SLC5A4: variants seen among roughly 807,000 people sequenced by gnomAD.
SLC5A4 encodes the protein probable glucose sensor protein SLC5A4.
In SLC5A4, 55 loss-of-function variants were observed where a neutral mutation model predicts 70.3. That is an observed-to-expected ratio of 0.78 (90% CI 0.63 to 0.98). The LOEUF is 0.98. Among genes scored for constraint, SLC5A4 ranks in the 50% least tolerant of loss-of-function variants. SLC5A4 has a pLI of 0.00. For missense variants in SLC5A4, 735 were observed against 839.2 expected, an observed-to-expected ratio of 0.88 and a Z score of 1.53; for synonymous variants, 268 against 305.7, an observed-to-expected ratio of 0.88 and a Z score of 1.29.
At chr22:32,302,452 T>C in the SLC5A4 span, among the ~76,000 whole-genome samples, 43 of 152,346 alleles carry the variant, frequency 2.8e-4, no homozygotes, top group East Asian at 1.2e-3. Flanking sequence ...CATTTAACAT[T>C]TAAATTTATA....
intron 5 of SLC5A4, among the ~76,000 whole-genome samples, chr22:32,239,426 G>T (rs1214491833): frequency 6.9e-6 from 1 of 145,892 alleles, no homozygotes; most frequent in Non-Finnish European, 1.5e-5. Context: ...CTGTGATGGA[G>T]TATTTAGAAA....
the SLC5A4 span, among the ~76,000 whole-genome samples, chr22:32,342,826 T>C: frequency 6.6e-6 from 1 of 152,150 alleles, no homozygotes; most frequent in Non-Finnish European, 1.5e-5. Context: ...AGTCAAAAAA[T>C]ATTCACTTCA....
At chr22:32,329,571 C>T in the SLC5A4 span, among the ~76,000 whole-genome samples, 7 of 64,144 alleles carry the variant, frequency 1.1e-4, no homozygotes, top group Admixed American at 2.1e-4. Context: ...GTGTGTGTTG[C>T]GGGCTCTGGT....
At chr22:32,260,008 C>T (rs1307989020), upstream of SLC5A4, among the ~76,000 whole-genome samples, 1 of 152,168 alleles carries the variant, frequency 6.6e-6, no homozygotes, top group Non-Finnish European at 1.5e-5. Flanking sequence ...GGCAGGGGAG[C>T]AGCGAAGGCC....
the SLC5A4 span, among the ~76,000 whole-genome samples, chr22:32,306,574 C>T: frequency 6.6e-6 from 1 of 152,018 alleles, no homozygotes. Context: ...TTTTGGTTTT[C>T]CTGGTTATCA....
the SLC5A4 span, among the ~76,000 whole-genome samples, chr22:32,323,150 G>A: frequency 1.3e-5 from 2 of 152,044 alleles, no homozygotes; most frequent in Admixed American, 1.3e-4. Flanking sequence ...AGATTGGCTC[G>A]AGACAACAGC....
the SLC5A4 span, among the ~76,000 whole-genome samples, chr22:32,309,001 T>C: frequency 1.3e-5 from 2 of 152,294 alleles, no homozygotes; most frequent in African/African-American, 2.4e-5. Context: ...TGCAGTGGTA[T>C]GATTTCAGCT....
chr22:32,232,946 A>G lies in SLC5A4; in HGVS notation c.974T>C (p.Met325Thr). The G allele has an allele frequency of 6.2e-7, 1 of 1,614,222 alleles. No individual in the cohort carries two copies. The highest frequency in any genetic ancestry group is 8.5e-7 in the Non-Finnish European group (1 of 1,180,030). ...CATCCCCGGCATCACCATGAGGAAC[A>G]TGGGCAGCAGCTTCAGGTAAGCACA... Reference protein sequence around the residue: ...IMCAYLKLLPMFLMVMPGMIS... With the variant: ...IMCAYLKLLPTFLMVMPGMIS... The change falls in exon 9 of 15, where the codon ATG becomes ACG. Residue 325 changes from methionine (M) to threonine (T), a missense_variant. Physicochemically the swap from Met to Thr is moderately conservative, Grantham distance 81. Coordinates refer to ENST00000266086, the MANE Select transcript of SLC5A4 (RefSeq NM_014227.3).
the SLC5A4 span, among the ~76,000 whole-genome samples, chr22:32,330,797 G>A: frequency 7.9e-6 from 1 of 126,262 alleles, no homozygotes; most frequent in Non-Finnish European, 1.7e-5. Context: ...GTGTGTTGGG[G>A]GCTCTGGTGT....
At chr22:32,252,331 C>T (rs959660780) in intron 2 of SLC5A4, among the ~76,000 whole-genome samples, 1 of 152,000 alleles carries the variant, frequency 6.6e-6, no homozygotes, top group Non-Finnish European at 1.5e-5. Context: ...CTAATCCAGC[C>T]CACAGTCAGT....
chr22:32,270,584 A>G, the SLC5A4 span: 2 of 731,382 alleles, frequency 2.7e-6, no homozygotes, highest in Non-Finnish European at 5.1e-6. Flanking sequence ...GAGATCATGG[A>G]GCTGGACACC....
At chr22:32,219,270 C>G (rs966964787) in intron 14 of SLC5A4, among the ~76,000 whole-genome samples, 1 of 152,110 alleles carries the variant, frequency 6.6e-6, no homozygotes, top group African/African-American at 2.4e-5. Context: ...GAATTAGTAG[C>G]GTATTGCAAA....
At chr22:32,304,911 A>G in the SLC5A4 span, among the ~76,000 whole-genome samples, 1 of 151,986 alleles carries the variant, frequency 6.6e-6, no homozygotes, top group South Asian at 2.1e-4. Context: ...TGGAGTGTAA[A>G]GTCTGTGTTC....
At chr22:32,242,196 G>T (rs117949626) in intron 5 of SLC5A4, among the ~76,000 whole-genome samples, 2 of 152,078 alleles carry the variant, frequency 1.3e-5, no homozygotes, top group South Asian at 4.1e-4. Flanking sequence ...CACTTAGCAC[G>T]CAGATTTTTG....
At chr22:32,271,535 G>A in the SLC5A4 span, 1 of 708,200 alleles carries the variant, frequency 1.4e-6, no homozygotes, top group South Asian at 1.5e-5. Context: ...CATCCAAGAA[G>A]AAAGCAGGTG....
chr22:32,324,262 T>C, the SLC5A4 span, among the ~76,000 whole-genome samples: 4 of 124,804 alleles, frequency 3.2e-5, no homozygotes, highest in East Asian at 2.6e-4. Flanking sequence ...TATACACACA[T>C]ATATGTATAT....
chr22:32,353,638 C>T, the SLC5A4 span, among the ~76,000 whole-genome samples: 13 of 151,824 alleles, frequency 8.6e-5, no homozygotes, highest in African/African-American at 2.9e-4. Flanking sequence ...CCCCAGATAG[C>T]GCCTCCAACA....
Position 32,229,238 on chromosome 22 carries a change from C to T in SLC5A4, c.1236G>A (p.Lys412=), listed in dbSNP as rs1379580852. 1.9e-6 allele frequency: 3 copies of T among 1,614,136 alleles called. No individual in the cohort carries two copies. In the South Asian group the frequency reaches 3.3e-5, roughly 18 times the overall value. The change falls in exon 11 of 15, where the codon AAG becomes AAA. Residue 412 remains lysine, a synonymous_variant. Coordinates refer to ENST00000266086, the MANE Select transcript of SLC5A4 (RefSeq NM_014227.3). The part of the protein sequence containing the change: ...STLFTIDLYT[K]MRKQASEKEL... ...CTTTCTCCGACGCTTGCTTCCGCAT[C>T]TTGGTGTAGAGGTCAATGGTGAAGA...
At chr22:32,222,090 TA>T (rs1318785937) in intron 13 of SLC5A4, among the ~76,000 whole-genome samples, 1 of 152,244 alleles carries the variant, frequency 6.6e-6, no homozygotes, top group Non-Finnish European at 1.5e-5. Context: ...TAATCTATCA[TA>T]TTCTAAGTTA....
Sources: allele counts gnomAD v4.1 joint callset (sites outside exome capture counted in the v4.1 genomes callset), GRCh38; gene constraint gnomAD v4.1.1; transcripts MANE v1.5; gene names NCBI Gene and HGNC (gene_info 2026-07-23, HGNC 2026-07-21).